GLUL: variants seen among roughly 807,000 people sequenced by gnomAD.
The protein encoded by GLUL is glutamine synthetase.
Under a neutral mutation model 36.9 loss-of-function variants are expected in GLUL, and 8 were observed. The observed-to-expected ratio is 0.22, with a 90% CI of 0.13 to 0.39. The LOEUF is 0.39. Ranked by LOEUF, GLUL falls within the 10% of genes least tolerant of loss-of-function variation. The probability of loss-of-function intolerance (pLI) is 1.00; values close to 1 mark genes in which losing one functional copy is unlikely to be tolerated. For missense variants in GLUL, 315 were observed against 501.8 expected (o/e 0.63, Z 3.56); for synonymous variants, 182 against 172.8 (o/e 1.05, Z -0.42).
rs111467270 is a variant in GLUL, at chr1:182,385,434, G to A, written c.726C>T (p.Pro242=). 20 of 1,613,710 alleles carry A rather than the reference G, an allele frequency of 1.2e-5. No individual in the cohort carries two copies. In the African/African-American group the frequency reaches 2.7e-4, roughly 22 times the overall value. The change falls in exon 6 of 7, where the codon CCC becomes CCT. Residue 242 remains proline (P), a synonymous_variant. Transcript: ENST00000331872. Reference sequence around the variant, plus strand: ...CTGCACCATTCCAGTTCCCAGGAATGGGCTTAGGATCAAAGGTTGCTATCA... The same window carrying A: ...CTGCACCATTCCAGTTCCCAGGAATAGGCTTAGGATCAAAGGTTGCTATCA... ...FGVIATFDPK[P]IPGNWNGAGC...
At chr1:182,387,469 G>A (rs989434778) in intron 2 of GLUL, among the ~76,000 whole-genome samples, 177 bp from the exon 3 acceptor site, 5 of 152,018 alleles carry the variant, frequency 3.3e-5, no homozygotes, top group Non-Finnish European at 5.9e-5. Context: ...TGATCTTATA[G>A]CCCTTCCTAT....
At chr1:182,386,958 G>A (rs1165102847) in intron 3 of GLUL, 173 bp downstream of exon 3, 1 of 678,222 alleles carries the variant, frequency 1.5e-6, no homozygotes, top group East Asian at 2.7e-5. Flanking sequence ...TAGAAAGATG[G>A]GCCATATTAT....
At chr1:182,388,151 G>A (rs1650260255) in intron 2 of GLUL, among the ~76,000 whole-genome samples, 1 of 152,124 alleles carries the variant, frequency 6.6e-6, no homozygotes, top group Non-Finnish European at 1.5e-5. Context: ...TAGAGCATTT[G>A]CTTCACATCT....
chr1:182,385,305 C>T, intron 6 of GLUL, 52 bp downstream of exon 6: 2 of 1,378,602 alleles, frequency 1.5e-6, no homozygotes, highest in Non-Finnish European at 2.1e-6. Context: ...AAGTCTCCTC[C>T]CAAGTTTTCT....
intron 1 of GLUL, chr1:182,391,334 A>G (rs1650408882): frequency 2.5e-6 from 1 of 397,972 alleles, no homozygotes; most frequent in Non-Finnish European, 4.4e-6. Context: ...CAGCGCAAAC[A>G]AACCACTGCG....
Position 182,384,202 on chromosome 1 carries a change from G to T in GLUL, c.*203C>A, listed in dbSNP as rs1342593084. ...AAAGCTTCAGTGATAGGGAAAAAAA[G>T]GAGGGTAGGTGTGAAGAAATTAATA... On this transcript the variant is annotated 3_prime_UTR_variant, in exon 7 of 7. Transcript: ENST00000331872. 11 of 583,550 alleles carry T rather than the reference G, an allele frequency of 1.9e-5. No individual in the cohort carries two copies. Among genetic ancestry groups the T allele is most frequent in the Non-Finnish European group, 3.1e-5 (10 of 327,576 alleles). The allele number at this position is 583,550 out of a possible 1,614,324, so 36.1% of individuals were successfully genotyped here.
chr1:182,386,759 T>C (rs983893531), intron 3 of GLUL: 5 of 450,762 alleles, frequency 1.1e-5, no homozygotes, highest in African/African-American at 2.0e-5. Context: ...CTGCTTCTGG[T>C]TGTCAGATTT....
At chr1:182,387,770 C>T (rs569666614) in intron 2 of GLUL, among the ~76,000 whole-genome samples, 2 of 152,324 alleles carry the variant, frequency 1.3e-5, no homozygotes, top group Admixed American at 1.3e-4. Flanking sequence ...CACCTATCCA[C>T]CTTTCCCACT....
At chr1:182,390,491 A>T (rs752794718) in intron 1 of GLUL, 5 of 398,222 alleles carry the variant, frequency 1.3e-5, no homozygotes, top group Non-Finnish European at 1.8e-5. Flanking sequence ...CTGCCCCCTC[A>T]CTCACCCCAG....
In GLUL at chr1:182,384,058, A is replaced by G; in HGVS notation, c.*347T>C. On this transcript the variant is annotated 3_prime_UTR_variant, in exon 7 of 7. Coordinates refer to ENST00000331872, the MANE Select transcript of GLUL (RefSeq NM_001033044.4). Reference sequence around the variant, plus strand: ...TCTTCCCCTTTCAGCTACCTGGAAGAAGAGACCCCCTTCTGCAAACGTGCT... The same window carrying G: ...TCTTCCCCTTTCAGCTACCTGGAAGGAGAGACCCCCTTCTGCAAACGTGCT... The G allele has an allele frequency of 3.1e-6, 1 of 323,650 alleles. No homozygotes were observed. The highest frequency in any genetic ancestry group is 6.0e-6 in the Non-Finnish European group (1 of 166,730). 20.0% of individuals were successfully genotyped at this position (323,650 alleles called of 1,614,324 possible).
rs930299040 is a variant in GLUL, at chr1:182,391,091, G to C, written c.-14+588C>G. 10 of 398,414 alleles carry C rather than the reference G, an allele frequency of 2.5e-5. No homozygotes were observed. In the East Asian group the frequency reaches 3.6e-4, roughly 14 times the overall value. The allele number at this position is 398,414 out of a possible 1,614,324, so 24.7% of individuals were successfully genotyped here. A position where few individuals can be genotyped will look rare whatever the true frequency, so the allele number is the denominator to read the frequency against. On this transcript the variant is annotated intron_variant, in intron 1 of 6. Transcript: ENST00000331872. ...GACCGGCTTCTCCACTGACTGCGCC[G>C]AGGCCCGGGCTCTCCATTGTTCGGT... is the stretch of plus-strand genomic sequence containing the variant.
chr1:182,391,045 C>CGCT (rs1650396418), intron 1 of GLUL: 2 of 397,232 alleles, frequency 5.0e-6, no homozygotes, highest in Non-Finnish European at 4.4e-6. Flanking sequence ...AGGGACTGCG[C>CGCT]GCTGCTGCTG....
Position 182,386,395 on chromosome 1 carries a change from A to G in GLUL, c.336T>C (p.Asn112=), listed in dbSNP as rs1444647148. ...TTATCCGTTTACAGGTGTGCCTCAA[A>G]TTGGTCTCTAGAAAAAAGAGTCAAT... is the stretch of plus-strand genomic sequence containing the variant. ...FKYNRRPAET[N]LRHTCKRIMD... is the part of the protein sequence containing the mutation. Residue 112 remains asparagine (N), a synonymous_variant, in exon 4 of 7, where the codon AAT becomes AAC. Coordinates refer to ENST00000331872, the MANE Select transcript of GLUL (RefSeq NM_001033044.4). The G allele has an allele frequency of 6.2e-7, 1 of 1,610,924 alleles. No homozygotes were observed.
At chr1:182,386,119 G>T in intron 4 of GLUL, 137 bp downstream of exon 4, 1 of 946,534 alleles carries the variant, frequency 1.1e-6, no homozygotes, top group Non-Finnish European at 1.7e-6. Flanking sequence ...TTTGGACTTT[G>T]GTGATGTGAG....
Position 182,385,793 on chromosome 1 carries a change from A to C in GLUL, c.570T>G (p.Ile190Met), listed in dbSNP as rs560524263. The C allele has an allele frequency of 6.2e-7, 1 of 1,614,180 alleles. No homozygotes were observed. The highest frequency in any genetic ancestry group is 8.5e-7 in the Non-Finnish European group (1 of 1,180,032). ...GCATGACCTCGGCATTAGTCCCCGC[A>C]ATCTTGACTCCAGCATACAAGCAGG... The part of the protein sequence containing the change: ...YRACLYAGVK[I>M]AGTNAEVMPA... Residue 190 changes from isoleucine (I) to methionine (M), a missense_variant, in exon 5 of 7, where the codon ATT (isoleucine) becomes ATG (methionine). Coordinates refer to ENST00000331872, the MANE Select transcript of GLUL (RefSeq NM_001033044.4).
At position 182,387,120 on chromosome 1, in the gene GLUL, C is replaced by CTA. The variant is rs781327746; in HGVS notation, c.328+9_328+10dup. On this transcript the variant is annotated intron_variant, in intron 3 of 6. Transcript: ENST00000331872. ...TTGAGGAGGGGTATCCATAGCTGTG[C>CTA]TATAACACACCTGCAGGCCTTCGAT... The CTA allele has an allele frequency of 2.0e-5, 32 of 1,603,322 alleles. No homozygotes were observed. Among genetic ancestry groups the CTA allele is most frequent in the Non-Finnish European group, 2.6e-5 (30 of 1,170,440 alleles).
intron 5 of GLUL, 52 bp downstream of exon 5, chr1:182,385,708 C>T (rs1193664765): frequency 5.0e-6 from 8 of 1,608,742 alleles, no homozygotes; most frequent in Middle Eastern, 1.7e-4. Context: ...TAGCAAAAGT[C>T]CTATGTACAC....
At position 182,382,342 on chromosome 1, in the gene GLUL, G is replaced by A. The variant is rs567622118; in HGVS notation, c.*2063C>T. ...GACCAAGATAAGAGCAAGGGGCAAG[G>A]GCACAGGTGACAACACAGAGCTTTT... is the stretch of plus-strand genomic sequence containing the variant. On this transcript the variant is annotated 3_prime_UTR_variant, in exon 7 of 7. Coordinates refer to ENST00000331872, the MANE Select transcript of GLUL (RefSeq NM_001033044.4). The A allele has an allele frequency of 2.0e-5, 3 of 152,368 alleles. No homozygotes were observed. The East Asian group carries it at 5.8e-4, about 29-fold the overall frequency. 9.4% of individuals were successfully genotyped at this position (152,368 alleles called of 1,614,324 possible).
chr1:182,388,888 A>T (rs1281692138), intron 1 of GLUL, 138 bp from the exon 2 acceptor site: 4 of 725,464 alleles, frequency 5.5e-6, no homozygotes, highest in Non-Finnish European at 9.9e-6. Flanking sequence ...CAACACACAA[A>T]AAGTTATGTT....
Sources: gnomAD v4.1 joint callset for allele counts (sites outside exome capture counted in the v4.1 genomes callset) on GRCh38, gnomAD v4.1.1 for gene constraint, MANE v1.5 for transcripts, NCBI Gene and HGNC (gene_info 2026-07-23, HGNC 2026-07-21) for gene names.